The following UNC13B variants were observed in gnomAD, a reference collection of about 807,000 sequenced individuals.
UNC13B encodes protein unc-13 homolog B.
UNC13B carries 144 observed loss-of-function variants against 211.0 expected under a neutral mutation model. That is an observed-to-expected ratio of 0.68 (90% confidence interval 0.60 to 0.78). The LOEUF is 0.78. Ranked by LOEUF, UNC13B falls within the 30% of genes least tolerant of loss-of-function variation. The pLI is 0.00. For synonymous variants in UNC13B, 709 were observed against 725.8 expected, an observed-to-expected ratio of 0.98 and a Z score of 0.37; for missense variants, 1,777 against 2,002.0, an observed-to-expected ratio of 0.89 and a Z score of 2.14.
intron 11 of UNC13B, among the ~76,000 whole-genome samples, chr9:35,324,740 C>T (rs1830917049): frequency 6.6e-6 from 1 of 152,186 alleles, no homozygotes; most frequent in South Asian, 2.1e-4. Context: ...TCTGTTTGCT[C>T]ATTTCTTAAA....
At chr9:35,235,818 AATAAAACAT>A (rs1825468680) in intron 3 of UNC13B, among the ~76,000 whole-genome samples, 1 of 152,220 alleles carries the variant, frequency 6.6e-6, no homozygotes, top group Admixed American at 6.5e-5. Context: ...GTTAGTTAAC[AATAAAACAT>A]ATAAAACTGT....
At chr9:35,381,048 C>A in intron 18 of UNC13B, 52 bp from the exon 19 acceptor site, 2 of 1,537,436 alleles carry the variant, frequency 1.3e-6, no homozygotes, top group East Asian at 4.5e-5. Flanking sequence ...ATGGAACTAT[C>A]TATGCTGTCT....
chr9:35,204,539 G>A (rs1823531135), intron 1 of UNC13B, among the ~76,000 whole-genome samples: 1 of 152,212 alleles, frequency 6.6e-6, no homozygotes, highest in African/African-American at 2.4e-5. Flanking sequence ...CCAAGGCCTT[G>A]GGAGCCCACT....
chr9:35,188,557 T>A (rs1822486918), intron 1 of UNC13B, among the ~76,000 whole-genome samples: 1 of 152,210 alleles, frequency 6.6e-6, no homozygotes, highest in Admixed American at 6.5e-5. Flanking sequence ...TAATACTGTG[T>A]ACCTCTTCTC....
intron 11 of UNC13B, chr9:35,341,953 G>A: frequency 1.0e-6 from 1 of 985,618 alleles, no homozygotes; most frequent in Non-Finnish European, 1.2e-6. Flanking sequence ...AAGTTTGGCT[G>A]CTGTTGCCTT....
Position 35,231,215 on chromosome 9 carries a change from A to G in UNC13B, c.148A>G (p.Met50Val), listed in dbSNP as rs1452365666. 1 of 1,608,792 alleles carries G rather than the reference A, an allele frequency of 6.2e-7. No homozygotes were observed. The highest frequency in any genetic ancestry group is 8.5e-7 in the Non-Finnish European group (1 of 1,175,304). The change falls in exon 3 of 40, where the codon ATG becomes GTG. Residue 50 changes from methionine (M) to valine (V), a missense_variant. Physicochemically the swap from Met to Val is conservative, Grantham distance 21. Transcript: ENST00000635942. ...TCAGCCTTCCTGGGAACAGGATTTCATGTTGTAAGTATTTTGCAGCAGCAG... is the reference window on the plus strand; with the variant it reads ...TCAGCCTTCCTGGGAACAGGATTTCGTGTTGTAAGTATTTTGCAGCAGCAG... ...GDQPSWEQDF[M>V]FEISRLDLGL...
At chr9:35,241,056 C>CAAAAAA (rs10629111) in intron 5 of UNC13B, among the ~76,000 whole-genome samples, 1 of 133,186 alleles carries the variant, frequency 7.5e-6, no homozygotes, top group African/African-American at 2.8e-5. Flanking sequence ...GACTCTGTCT[C>CAAAAAA]AAAAAAAAAA....
chr9:35,208,187 CT>C (rs982783334), intron 1 of UNC13B, among the ~76,000 whole-genome samples: 39 of 152,342 alleles, frequency 2.6e-4, no homozygotes, highest in African/African-American at 9.4e-4. Flanking sequence ...GCCATCCCTG[CT>C]GTTTGTTCCT....
chr9:35,210,529 A>ATT lies in UNC13B; in HGVS notation c.23-17475_23-17474dup, dbSNP rs5897596. Among the ~76,000 whole-genome samples, 319 of 148,332 alleles carry ATT rather than the reference A, an allele frequency of 2.2e-3. 5 individuals are homozygous for ATT. Among genetic ancestry groups the ATT allele is most frequent in the South Asian group, 0.019 (92 of 4,722 alleles). ...AAACCATTCCCTGTTTAATAAACTT[A>ATT]TTTTTTTTTTTTGAGACAGAGTCTC... On this transcript the variant is annotated intron_variant, in intron 1 of 39. Coordinates refer to ENST00000635942, the MANE Select transcript of UNC13B (RefSeq NM_001371189.2).
At chr9:35,363,080 G>C (rs564136533) in intron 11 of UNC13B, among the ~76,000 whole-genome samples, 1 of 152,304 alleles carries the variant, frequency 6.6e-6, no homozygotes, top group East Asian at 1.9e-4. Context: ...TTGGGGTTTT[G>C]AGTATGTGAC....
At chr9:35,219,968 C>A (rs1490613913) in intron 1 of UNC13B, among the ~76,000 whole-genome samples, 1 of 152,046 alleles carries the variant, frequency 6.6e-6, no homozygotes. Flanking sequence ...TTTAGTGTCA[C>A]ATTTAGATGT....
At chr9:35,387,300 T>G (rs1835252695) in intron 24 of UNC13B, among the ~76,000 whole-genome samples, 1 of 152,218 alleles carries the variant, frequency 6.6e-6, no homozygotes, top group Non-Finnish European at 1.5e-5. Flanking sequence ...CTAAATGTCT[T>G]GGACATTTAT....
intron 11 of UNC13B, among the ~76,000 whole-genome samples, chr9:35,343,236 AG>A (rs1323252674): frequency 1.3e-5 from 2 of 152,342 alleles, no homozygotes; most frequent in Non-Finnish European, 2.9e-5. Flanking sequence ...CCTGCCTCAC[AG>A]GGTTGTTGTG....
At position 35,306,296 on chromosome 9, in the gene UNC13B, G is replaced by T. The variant is rs1829919549; in HGVS notation, c.6892G>T (p.Asp2298Tyr). The change falls in exon 9 of 40, where the codon GAT becomes TAT. Residue 2298 changes from aspartate (D) to tyrosine (Y), a missense_variant. Transcript: ENST00000635942. ...NNTIEVTSLA[D>Y]ELSVDKDCQE... ...CACCATTGAGGTTACCTCCCTTGCA[G>T]ATGAGCTCAGTGTAGACAAGGACTG... The T allele has an allele frequency of 2.5e-6, 1 of 398,944 alleles. No homozygotes were observed. The highest frequency in any genetic ancestry group is 2.1e-5 in the African/African-American group (1 of 48,634). 24.7% of individuals were successfully genotyped at this position (398,944 alleles called of 1,614,324 possible).
At chr9:35,168,465 T>G (rs775720848) in intron 1 of UNC13B, among the ~76,000 whole-genome samples, 2 of 152,154 alleles carry the variant, frequency 1.3e-5, no homozygotes, top group African/African-American at 4.8e-5. Flanking sequence ...GGACTTTATG[T>G]GTAATTTTCT....
chr9:35,182,672 C>G (rs796831529), intron 1 of UNC13B, among the ~76,000 whole-genome samples: 1 of 152,040 alleles, frequency 6.6e-6, no homozygotes, highest in Non-Finnish European at 1.5e-5. Flanking sequence ...GTGGTGATGA[C>G]TCTTAACGAG....
At chr9:35,357,911 A>G (rs1040894136) in intron 11 of UNC13B, among the ~76,000 whole-genome samples, 5 of 152,322 alleles carry the variant, frequency 3.3e-5, no homozygotes, top group African/African-American at 1.2e-4. Context: ...TCATCTTGCA[A>G]AACTGAAACT....
intron 15 of UNC13B, 134 bp downstream of exon 15, chr9:35,376,381 G>T (rs1834412119): frequency 1.1e-6 from 1 of 898,634 alleles, no homozygotes; most frequent in Non-Finnish European, 1.7e-6. Context: ...ATCCATTTCA[G>T]AGAAGGTAGG....
chr9:35,224,349 G>A (rs1824722291), intron 1 of UNC13B, among the ~76,000 whole-genome samples: 1 of 152,112 alleles, frequency 6.6e-6, no homozygotes, highest in Non-Finnish European at 1.5e-5. Context: ...TTTTGTTGTA[G>A]AGGTCTTTCA....
Sources: allele counts gnomAD v4.1 joint callset (sites outside exome capture counted in the v4.1 genomes callset), GRCh38; gene constraint gnomAD v4.1.1; transcripts MANE v1.5; gene names NCBI Gene and HGNC (gene_info 2026-07-23, HGNC 2026-07-21).